DTNB: variants seen among roughly 807,000 people sequenced by gnomAD.
The protein encoded by DTNB is DTN-B.
In DTNB, 63 loss-of-function variants were observed where a neutral mutation model predicts 90.7. The observed-to-expected ratio is 0.69, with a 90% CI of 0.57 to 0.86. The LOEUF (loss-of-function observed/expected upper bound fraction) is 0.86. Ranked by LOEUF, DTNB falls within the 40% of genes least tolerant of loss-of-function variation. The probability of loss-of-function intolerance (pLI) is 0.00; values close to 1 mark genes in which losing one functional copy is unlikely to be tolerated. For missense variants in DTNB, 744 were observed against 807.1 expected (o/e 0.92, Z 0.95); for synonymous variants, 277 against 286.7 (o/e 0.97, Z 0.34).
At chr2:25,419,488 C>T (rs752085020) in intron 16 of DTNB, 27 bp downstream of exon 16, 121 of 1,557,382 alleles carry the variant, frequency 7.8e-5, no homozygotes, top group Non-Finnish European at 1.0e-4. Flanking sequence ...AGCGAGAGTC[C>T]GGCGGGAAAT....
At chr2:25,398,376 G>T (rs2042921225) in intron 16 of DTNB, among the ~76,000 whole-genome samples, 2 of 152,330 alleles carry the variant, frequency 1.3e-5, no homozygotes, top group South Asian at 4.1e-4. Flanking sequence ...TTATGCCCCA[G>T]CCCTTGGCGT....
chr2:25,413,552 G>C (rs966051398), intron 16 of DTNB, among the ~76,000 whole-genome samples: 1 of 152,038 alleles, frequency 6.6e-6, no homozygotes. Flanking sequence ...TGCTGAGAAT[G>C]ACGGTTTCCA....
chr2:25,419,680 G>T (rs1476615037), intron 15 of DTNB, 145 bp from the exon 16 acceptor site: 5 of 1,045,654 alleles, frequency 4.8e-6, no homozygotes, highest in Non-Finnish European at 5.4e-6. Flanking sequence ...GAGATCAAAG[G>T]CCCCATCCCC....
At chr2:25,430,390 T>G (rs1276675776) in intron 14 of DTNB, among the ~76,000 whole-genome samples, 1 of 152,128 alleles carries the variant, frequency 6.6e-6, no homozygotes, top group Non-Finnish European at 1.5e-5. Context: ...GACTTCTTCC[T>G]CTGAACTCCT....
At chr2:25,663,506 G>A (rs2083700170) in intron 1 of DTNB, among the ~76,000 whole-genome samples, 1 of 152,154 alleles carries the variant, frequency 6.6e-6, no homozygotes, top group South Asian at 2.1e-4. Context: ...CACAATGGTT[G>A]AACAATATAT....
At chr2:25,410,920 AG>A (rs1426790574) in intron 16 of DTNB, among the ~76,000 whole-genome samples, 2 of 151,010 alleles carry the variant, frequency 1.3e-5, no homozygotes, top group Admixed American at 1.3e-4. Context: ...TAAACAACTT[AG>A]GAACTGCCTT....
chr2:25,487,782 TG>T (rs1027837209), intron 9 of DTNB, among the ~76,000 whole-genome samples: 50 of 152,340 alleles, frequency 3.3e-4, no homozygotes, highest in African/African-American at 1.2e-3. Flanking sequence ...CTAATTTATT[TG>T]TTTGACCAAA....
At chr2:25,520,285 C>A (rs1286175728) in intron 9 of DTNB, among the ~76,000 whole-genome samples, 4 of 152,118 alleles carry the variant, frequency 2.6e-5, no homozygotes, top group Non-Finnish European at 5.9e-5. Context: ...GGCAGGAGAA[C>A]TGTTTGAATC....
chr2:25,586,228 C>T (rs1050974834), intron 6 of DTNB, among the ~76,000 whole-genome samples: 4 of 151,922 alleles, frequency 2.6e-5, no homozygotes, highest in African/African-American at 4.8e-5. Context: ...TAAGCACGGG[C>T]GGCCAGGTGC....
At chr2:25,389,846 TTG>T (rs68107964) in intron 16 of DTNB, among the ~76,000 whole-genome samples, 33,240 of 95,570 alleles carry the variant, frequency 0.35, 3,865 homozygotes, top group Non-Finnish European at 0.39. Context: ...TTTGAATCAT[TTG>T]TGTGTGTGTG....
chr2:25,554,753 C>A (rs1169692135), intron 8 of DTNB, among the ~76,000 whole-genome samples: 1 of 152,002 alleles, frequency 6.6e-6, no homozygotes, highest in Non-Finnish European at 1.5e-5. Flanking sequence ...AAAAAGAATG[C>A]AGGTTAAAAA....
intron 12 of DTNB, among the ~76,000 whole-genome samples, chr2:25,447,784 C>T (rs540977915): frequency 6.6e-6 from 1 of 152,216 alleles, no homozygotes; most frequent in South Asian, 2.1e-4. Context: ...CCTGGGATTA[C>T]AGGAGTGAGC....
intron 4 of DTNB, 104 bp from the exon 5 acceptor site, chr2:25,607,425 G>T: frequency 1.9e-6 from 2 of 1,065,188 alleles, no homozygotes; most frequent in Non-Finnish European, 2.6e-6. Context: ...TCCTGACCTT[G>T]TCTGTTACAA....
chr2:25,386,340 A>G (rs1475777166), intron 18 of DTNB, among the ~76,000 whole-genome samples: 1 of 152,232 alleles, frequency 6.6e-6, no homozygotes, highest in Non-Finnish European at 1.5e-5. Context: ...GAGTGTTTGA[A>G]TAAGTGTATG....
intron 11 of DTNB, among the ~76,000 whole-genome samples, chr2:25,452,377 T>C (rs1358586030): frequency 2.0e-5 from 3 of 152,204 alleles, no homozygotes; most frequent in Non-Finnish European, 4.4e-5. Flanking sequence ...ATACATGACT[T>C]CTTTAGTATA....
At chr2:25,405,475 G>A (rs1011733794) in intron 16 of DTNB, among the ~76,000 whole-genome samples, 2 of 152,114 alleles carry the variant, frequency 1.3e-5, no homozygotes, top group Non-Finnish European at 2.9e-5. Flanking sequence ...GGGAAACGGA[G>A]GTTGTAGAGA....
At chr2:25,640,418 T>C (rs2078004106) in intron 2 of DTNB, among the ~76,000 whole-genome samples, 1 of 152,110 alleles carries the variant, frequency 6.6e-6, no homozygotes, top group African/African-American at 2.4e-5. Context: ...AGGAAGGATT[T>C]TTCCAGGTTT....
chr2:25,466,616 T>C (rs909456736), intron 10 of DTNB, among the ~76,000 whole-genome samples: 1 of 152,216 alleles, frequency 6.6e-6, no homozygotes, highest in Non-Finnish European at 1.5e-5. Context: ...CAAGAGCAGT[T>C]ACAGTGTGTT....
chr2:25,456,676 G>A lies in DTNB; in HGVS notation c.1080-1182C>T, dbSNP rs529412396. ...CAACCTCTGCCTCCTGGGTTCAAGC[G>A]ATTCTCCTGTCTCAGCCTCCCAAGT... is the stretch of plus-strand genomic sequence containing the variant. On this transcript the variant is annotated intron_variant, in intron 10 of 20. Transcript: ENST00000406818. Among the ~76,000 whole-genome samples the A allele has an allele frequency of 3.0e-3, 451 of 152,138 alleles. 1 individual carries two copies. Among genetic ancestry groups the A allele is most frequent in the Non-Finnish European group, 5.0e-3 (343 of 67,978 alleles).
Sources: gnomAD v4.1 joint callset for allele counts (sites outside exome capture counted in the v4.1 genomes callset) on GRCh38, gnomAD v4.1.1 for gene constraint, MANE v1.5 for transcripts, NCBI Gene and HGNC (gene_info 2026-07-23, HGNC 2026-07-21) for gene names.